The following SFMBT2 variants were observed in gnomAD, a reference collection of about 807,000 sequenced individuals.
The protein encoded by SFMBT2 is scm-like with four MBT domains protein 2.
In SFMBT2, 38 loss-of-function variants were observed where a neutral mutation model predicts 110.1. That is an observed-to-expected ratio of 0.35 (90% CI 0.27 to 0.45). SFMBT2 has a LOEUF of 0.45. Ranked by LOEUF, SFMBT2 falls within the 20% of genes least tolerant of loss-of-function variation. The pLI, the probability that SFMBT2 is intolerant of heterozygous loss-of-function variation, is 1.00. For synonymous variants in SFMBT2, 425 were observed against 425.4 expected, an observed-to-expected ratio of 1.00 and a Z score of 0.01; for missense variants, 1,011 against 1,094.9, an observed-to-expected ratio of 0.92 and a Z score of 1.08.
intron 7 of SFMBT2, among the ~76,000 whole-genome samples, chr10:7,271,748 G>A (rs1216655767): frequency 6.6e-6 from 1 of 152,192 alleles, no homozygotes; most frequent in Non-Finnish European, 1.5e-5. Flanking sequence ...CACATGGCTG[G>A]GGAGGTCTCA....
chr10:7,195,979 T>C (rs1011593186), intron 15 of SFMBT2, among the ~76,000 whole-genome samples: 2 of 152,190 alleles, frequency 1.3e-5, no homozygotes, highest in Non-Finnish European at 2.9e-5. Context: ...CTCAAGCAGA[T>C]GTTTTTTTAA....
chr10:7,180,732 G>A (rs556262065), intron 16 of SFMBT2, among the ~76,000 whole-genome samples: 14 of 152,084 alleles, frequency 9.2e-5, no homozygotes, highest in African/African-American at 2.9e-4. Context: ...AAGTGCGGGA[G>A]GGACGCAGGG....
chr10:7,190,468 G>C (rs1838563428), intron 15 of SFMBT2, among the ~76,000 whole-genome samples: 1 of 152,188 alleles, frequency 6.6e-6, no homozygotes, highest in Non-Finnish European at 1.5e-5. Context: ...CCTGGGAGCA[G>C]GCAGCAATTA....
At chr10:7,362,046 C>T (rs1054796773) in intron 4 of SFMBT2, among the ~76,000 whole-genome samples, 2 of 152,130 alleles carry the variant, frequency 1.3e-5, no homozygotes, top group African/African-American at 4.8e-5. Flanking sequence ...GCATTGCATG[C>T]GCTTATGAAT....
At chr10:7,323,471 A>C (rs868290007) in intron 4 of SFMBT2, among the ~76,000 whole-genome samples, 8 of 42,408 alleles carry the variant, frequency 1.9e-4, no homozygotes, top group South Asian at 1.5e-3. Flanking sequence ...AAAAAAAACC[A>C]AAAAAAAAAA....
At chr10:7,265,588 C>A (rs1455484684) in intron 7 of SFMBT2, among the ~76,000 whole-genome samples, 3 of 152,192 alleles carry the variant, frequency 2.0e-5, no homozygotes, top group African/African-American at 7.2e-5. Context: ...CTTTCCTCTT[C>A]TTAGCAAAGA....
chr10:7,329,356 G>A (rs182710382), intron 4 of SFMBT2, among the ~76,000 whole-genome samples: 5 of 152,304 alleles, frequency 3.3e-5, no homozygotes, highest in East Asian at 3.9e-4. Context: ...AGGTTCTCAC[G>A]AGCCGAGCTT....
At chr10:7,384,969 C>T (rs1564469637) in intron 1 of SFMBT2, among the ~76,000 whole-genome samples, 1 of 152,222 alleles carries the variant, frequency 6.6e-6, no homozygotes, top group Non-Finnish European at 1.5e-5. Flanking sequence ...CCATGAGCTG[C>T]ACACAGCAGA....
chr10:7,285,833 G>C, intron 5 of SFMBT2, 33 bp downstream of exon 5: 3 of 865,944 alleles, frequency 3.5e-6, no homozygotes, highest in Non-Finnish European at 6.1e-6. Flanking sequence ...GGGTGCTTCA[G>C]AGATACATTA....
chr10:7,333,477 C>A (rs1283249903), intron 4 of SFMBT2, among the ~76,000 whole-genome samples: 2 of 150,792 alleles, frequency 1.3e-5, no homozygotes, highest in Non-Finnish European at 2.9e-5. Context: ...ACTACCACCT[C>A]GAATTCCTAG....
chr10:7,320,552 G>GT, intron 4 of SFMBT2: 1 of 971,250 alleles, frequency 1.0e-6, no homozygotes, highest in Non-Finnish European at 1.2e-6. Flanking sequence ...ACTATAGGAA[G>GT]TAAGATCAAC....
intron 7 of SFMBT2, among the ~76,000 whole-genome samples, chr10:7,257,281 C>A (rs1841048289): frequency 6.6e-6 from 1 of 152,086 alleles, no homozygotes; most frequent in Non-Finnish European, 1.5e-5. Context: ...CAGGAGGATC[C>A]CACAACGTCA....
intron 20 of SFMBT2, among the ~76,000 whole-genome samples, chr10:7,166,156 C>G (rs1431833927): frequency 6.6e-6 from 1 of 152,212 alleles, no homozygotes; most frequent in Admixed American, 6.5e-5. Context: ...ATCCATAGAA[C>G]AGGAAAGAAT....
chr10:7,333,720 TTC>T (rs1291909889), intron 4 of SFMBT2, among the ~76,000 whole-genome samples: 4 of 146,946 alleles, frequency 2.7e-5, no homozygotes, highest in Non-Finnish European at 3.0e-5. Context: ...CCTCCCCGCT[TTC>T]TCTCTCTCTC....
chr10:7,205,264 T>C (rs1023465349), intron 12 of SFMBT2: 16 of 299,320 alleles, frequency 5.3e-5, no homozygotes, highest in Non-Finnish European at 7.9e-5. Flanking sequence ...TATGTACTTC[T>C]TTTTTTACGT....
In SFMBT2 at chr10:7,171,681, T is replaced by C. The variant is rs1215935476; in HGVS notation, c.2415+214A>G. On this transcript the variant is annotated intron_variant, in intron 19 of 20. Transcript: ENST00000397167. This position sits in a 1 kb window ranked among gnomAD's most constrained non-coding sequence, Gnocchi z 4.9. ...CTAAAGCCGTCCAGGAAAGAGGCGC[T>C]GTCTCCACCCTGGGCACTCCATTCT... 6 of 720,944 alleles carry C rather than the reference T, an allele frequency of 8.3e-6. No homozygotes were observed. Among genetic ancestry groups the C allele is most frequent in the African/African-American group, 1.9e-5 (1 of 52,248 alleles). 44.7% of individuals were successfully genotyped at this position (720,944 alleles called of 1,614,324 possible).
At chr10:7,273,023 G>T (rs536428250) in intron 7 of SFMBT2, among the ~76,000 whole-genome samples, 2 of 152,134 alleles carry the variant, frequency 1.3e-5, no homozygotes, top group Non-Finnish European at 2.9e-5. Flanking sequence ...TAGAACTCCT[G>T]ACCTCAAATG....
intron 4 of SFMBT2, among the ~76,000 whole-genome samples, chr10:7,299,887 A>C (rs2131878632): frequency 6.6e-6 from 1 of 152,332 alleles, no homozygotes; most frequent in African/African-American, 2.4e-5. Context: ...TAGCGAAGAC[A>C]TGGAGCCAAC....
chr10:7,325,873 AC>A (rs763235465), intron 4 of SFMBT2, among the ~76,000 whole-genome samples: 4 of 152,304 alleles, frequency 2.6e-5, no homozygotes, highest in Admixed American at 6.5e-5. Flanking sequence ...TGAATTGTAC[AC>A]TTTAAGTGGG....
Sources: allele counts gnomAD v4.1 joint callset (sites outside exome capture counted in the v4.1 genomes callset), GRCh38; gene constraint gnomAD v4.1.1; non-coding constraint Gnocchi (gnomAD v3.1); transcripts MANE v1.5; gene names NCBI Gene and HGNC (gene_info 2026-07-23, HGNC 2026-07-21).